Variants in RGS9 observed in about 807,000 individuals in gnomAD.
RGS9 encodes the protein regulator of G-protein signalling 9.
A neutral mutation model predicts 102.0 loss-of-function variants in RGS9; 78 were observed. That is an observed-to-expected ratio of 0.76 (90% CI 0.64 to 0.92). RGS9 has a LOEUF of 0.92. RGS9 is among the 40% of genes least tolerant of loss of function. The pLI is 0.00. For synonymous variants in RGS9, 353 were observed against 318.6 expected, an observed-to-expected ratio of 1.11 and a Z score of -1.15; for missense variants, 833 against 866.1, an observed-to-expected ratio of 0.96 and a Z score of 0.48.
intron 1 of RGS9, among the ~76,000 whole-genome samples, chr17:65,145,852 A>C (rs756271262): frequency 6.7e-6 from 1 of 150,152 alleles, no homozygotes; most frequent in South Asian, 2.1e-4. Context: ...GCCTCAGAGG[A>C]ATTTGTACGG....
At chr17:65,153,814 T>C (rs1409413413) in intron 2 of RGS9, among the ~76,000 whole-genome samples, 1 of 151,370 alleles carries the variant, frequency 6.6e-6, no homozygotes, top group Non-Finnish European at 1.5e-5. Context: ...GGCCTGAACC[T>C]GGGAGGCAGA....
intron 4 of RGS9, 41 bp downstream of exon 4, chr17:65,160,380 A>G: frequency 6.4e-7 from 1 of 1,572,180 alleles, no homozygotes; most frequent in Non-Finnish European, 8.8e-7. Flanking sequence ...TATGGGGTTG[A>G]TCTCATTTGA....
intron 9 of RGS9, chr17:65,179,861 A>T (rs1240839765): frequency 6.6e-6 from 1 of 152,082 alleles, no homozygotes; most frequent in African/African-American, 2.4e-5. Context: ...GATGCTGGCA[A>T]CACCCTCAGC....
At chr17:65,172,897 A>G (rs1598584271) in intron 8 of RGS9, among the ~76,000 whole-genome samples, 1 of 151,626 alleles carries the variant, frequency 6.6e-6, no homozygotes, top group East Asian at 1.9e-4. Flanking sequence ...GTTTCACCTC[A>G]TCTCTATTTC....
At chr17:65,180,267 C>G (rs568977517) in intron 9 of RGS9, among the ~76,000 whole-genome samples, 1 of 152,290 alleles carries the variant, frequency 6.6e-6, no homozygotes, top group East Asian at 1.9e-4. Context: ...ATTTTTGTCT[C>G]ACTTCAGAGA....
At position 65,157,739 on chromosome 17, in the gene RGS9, G is replaced by T. The variant is rs138140099; in HGVS notation, c.155-556G>T. Among the ~76,000 whole-genome samples, 564 of 152,194 alleles carry T rather than the reference G, an allele frequency of 3.7e-3. 2 individuals are homozygous for T. The highest frequency in any genetic ancestry group is 0.013 in the African/African-American group (536 of 41,530). ...ACCTTCACAATGTCATGGAAGGCCAGGTTCAAGTTTAGAAGTTTCTGACTC... is the reference window on the plus strand; with the variant it reads ...ACCTTCACAATGTCATGGAAGGCCATGTTCAAGTTTAGAAGTTTCTGACTC... On this transcript the variant is annotated intron_variant, in intron 2 of 18. Coordinates refer to ENST00000262406, the MANE Select transcript of RGS9 (RefSeq NM_003835.4).
intron 8 of RGS9, among the ~76,000 whole-genome samples, chr17:65,169,202 T>C (rs1911313564): frequency 6.6e-6 from 1 of 152,222 alleles, no homozygotes; most frequent in African/African-American, 2.4e-5. Context: ...TTTGCTTATA[T>C]TCTTTATATA....
At chr17:65,205,282 C>A (rs1913008495) in intron 15 of RGS9, among the ~76,000 whole-genome samples, 1 of 152,084 alleles carries the variant, frequency 6.6e-6, no homozygotes, top group South Asian at 2.1e-4. Flanking sequence ...GCAATGATTT[C>A]TTTAAGGGCA....
intron 1 of RGS9, among the ~76,000 whole-genome samples, chr17:65,152,116 A>G (rs552237829): frequency 1.7e-4 from 26 of 152,294 alleles, no homozygotes; most frequent in African/African-American, 5.8e-4. Flanking sequence ...TCAGGGTTGC[A>G]GCTTTAGGAA....
At chr17:65,224,741 T>C (rs559770440) in intron 17 of RGS9, among the ~76,000 whole-genome samples, 4 of 152,280 alleles carry the variant, frequency 2.6e-5, no homozygotes, top group Non-Finnish European at 5.9e-5. Context: ...GGTCAGTTCA[T>C]GTCCCGGGAT....
At chr17:65,148,927 A>G (rs1910470609) in intron 1 of RGS9, among the ~76,000 whole-genome samples, 1 of 152,104 alleles carries the variant, frequency 6.6e-6, no homozygotes, top group South Asian at 2.1e-4. Context: ...TAGTCTTTGC[A>G]ATATCCCTAC....
intron 1 of RGS9, among the ~76,000 whole-genome samples, chr17:65,147,418 C>A (rs1910406605): frequency 6.6e-6 from 1 of 151,896 alleles, no homozygotes. Context: ...GAATCTCACC[C>A]CTCAGCATCA....
chr17:65,189,333 T>C lies in RGS9; in HGVS notation c.684+18T>C. ...AAAAAGAGGTAATTAGTCTTACACT[T>C]CCAGTGAAGAATGGTTTTAAATCTT... On this transcript the variant is annotated intron_variant, in intron 10 of 18. Coordinates refer to ENST00000262406, the MANE Select transcript of RGS9 (RefSeq NM_003835.4). The C allele has an allele frequency of 6.3e-7, 1 of 1,591,432 alleles. No homozygotes were observed. The highest frequency in any genetic ancestry group is 8.6e-7 in the Non-Finnish European group (1 of 1,159,394).
chr17:65,213,346 C>CT, intron 17 of RGS9, among the ~76,000 whole-genome samples: 1 of 152,344 alleles, frequency 6.6e-6, no homozygotes, highest in African/African-American at 2.4e-5. Flanking sequence ...CAGGCTCAGG[C>CT]CCTGCCCTCC....
intron 1 of RGS9, among the ~76,000 whole-genome samples, chr17:65,149,646 A>G (rs1410151902): frequency 2.0e-5 from 3 of 152,222 alleles, no homozygotes; most frequent in Non-Finnish European, 2.9e-5. Flanking sequence ...TTCTAACCAT[A>G]ATAGTGAACA....
At chr17:65,147,585 A>C (rs546098662) in intron 1 of RGS9, among the ~76,000 whole-genome samples, 101 of 112,874 alleles carry the variant, frequency 8.9e-4, no homozygotes, top group African/African-American at 5.5e-3. Flanking sequence ...CTCTTTTAAA[A>C]ACTTTTTTTT....
At chr17:65,209,699 T>C (rs1335284265) in intron 16 of RGS9, among the ~76,000 whole-genome samples, 4 of 152,220 alleles carry the variant, frequency 2.6e-5, no homozygotes, top group Admixed American at 2.6e-4. Context: ...TCTTCAGGCC[T>C]CTTCCCTCTT....
intron 17 of RGS9, among the ~76,000 whole-genome samples, chr17:65,217,399 G>T (rs1376720640): frequency 1.3e-5 from 2 of 152,208 alleles, no homozygotes; most frequent in African/African-American, 4.8e-5. Flanking sequence ...CTGTAGCATA[G>T]CCCATCCTGC....
chr17:65,180,556 G>T (rs1911840831), intron 9 of RGS9, among the ~76,000 whole-genome samples: 1 of 152,080 alleles, frequency 6.6e-6, no homozygotes, highest in African/African-American at 2.4e-5. Context: ...CTCCATGTTG[G>T]CCAGGCTGGT....
Sources: gnomAD v4.1 joint callset for allele counts (sites outside exome capture counted in the v4.1 genomes callset) on GRCh38, gnomAD v4.1.1 for gene constraint, MANE v1.5 for transcripts, NCBI Gene and HGNC (gene_info 2026-07-23, HGNC 2026-07-21) for gene names.